Variants in MAP7 observed in about 807,000 individuals in gnomAD.
MAP7 encodes ensconsin.
A neutral mutation model predicts 94.8 loss-of-function variants in MAP7; 52 were observed. The observed-to-expected ratio is 0.55, with a 90% CI of 0.44 to 0.69. The LOEUF (loss-of-function observed/expected upper bound fraction) is 0.69, where lower values mean the gene tolerates loss of function less well. Ranked by LOEUF, MAP7 falls within the 30% of genes least tolerant of loss-of-function variation. The pLI is 0.00. For missense variants in MAP7, 940 were observed against 964.6 expected (o/e 0.97, Z 0.34); for synonymous variants, 350 against 357.0 (o/e 0.98, Z 0.22).
chr6:136,347,971 A>G (rs923037666), intron 16 of MAP7, among the ~76,000 whole-genome samples: 1 of 151,968 alleles, frequency 6.6e-6, no homozygotes, highest in East Asian at 1.9e-4. Flanking sequence ...ACTAGGCATT[A>G]TAAGTCTCCA....
At chr6:136,413,860 A>G (rs1257895560) in intron 2 of MAP7, among the ~76,000 whole-genome samples, 3 of 152,112 alleles carry the variant, frequency 2.0e-5, no homozygotes, top group Non-Finnish European at 4.4e-5. Context: ...GAATTTGTAC[A>G]TTTAAAGAAA....
In MAP7 at chr6:136,377,859, A is replaced by C. The variant is rs1477423617; in HGVS notation, c.647T>G (p.Leu216Arg). Residue 216 changes from leucine (L) to arginine (R), a missense_variant, in exon 7 of 18, where the codon CTG becomes CGG. Coordinates refer to ENST00000354570, the MANE Select transcript of MAP7 (RefSeq NM_003980.6). ...GCTGCTCTCCCATGGGCTGAGCTGC[A>C]GGCGGCGAGCTAAACGTCACCACAT... is the stretch of plus-strand genomic sequence containing the variant. ...LLNSPDRARR[L>R]QLSPWESSVV... 7.4e-6 allele frequency: 12 copies of C among 1,612,528 alleles called. No individual in the cohort carries two copies. The highest frequency in any genetic ancestry group is 9.3e-6 in the Non-Finnish European group (11 of 1,178,844).
intron 1 of MAP7, among the ~76,000 whole-genome samples, chr6:136,440,828 A>G (rs1353954419): frequency 7.2e-6 from 1 of 138,168 alleles, no homozygotes; most frequent in Non-Finnish European, 1.6e-5. Flanking sequence ...TTAAGGTCTT[A>G]AAAAAAAAAA....
chr6:136,420,246 C>T (rs569400715), intron 2 of MAP7: 395 of 990,362 alleles, frequency 4.0e-4, no homozygotes, highest in South Asian at 7.0e-4. Flanking sequence ...CTGACAGGGC[C>T]GCGCCAGGTA....
rs892939190 is a variant in MAP7 at position 136,502,825 on chromosome 6, A to AT, written c.67+47516dup. Among the ~76,000 whole-genome samples, 254 of 150,646 alleles carry AT rather than the reference A, an allele frequency of 1.7e-3. 1 individual carries two copies. Among genetic ancestry groups the AT allele is most frequent in the Middle Eastern group, 3.4e-3 (1 of 290 alleles). Reference sequence around the variant, plus strand: ...TATGAATAGAGTGCACAGAATACTGATTTTTTTTTTCCCAGCAAAGTAACT... The same window carrying AT: ...TATGAATAGAGTGCACAGAATACTGATTTTTTTTTTTCCCAGCAAAGTAACT... On this transcript the variant is annotated intron_variant, in intron 1 of 17. Transcript: ENST00000354570.
rs368976603 is a variant in MAP7, at chr6:136,411,613, G to C, written c.244+7C>G. On this transcript the variant is annotated splice_region_variant and intron_variant, in intron 3 of 17. Transcript: ENST00000354570. ...AATCAGGGCCATGGACACGGGGCCTGGGGTACCTAGCTGTTTCTCCCGTTC... is the reference window on the plus strand; with the variant it reads ...AATCAGGGCCATGGACACGGGGCCTCGGGTACCTAGCTGTTTCTCCCGTTC... 1.3e-6 allele frequency: 2 copies of C among 1,556,824 alleles called. No individual in the cohort carries two copies. The highest frequency in any genetic ancestry group is 1.7e-6 in the Non-Finnish European group (2 of 1,149,350).
At chr6:136,534,743 C>A (rs1355433677) in intron 1 of MAP7, among the ~76,000 whole-genome samples, 1 of 152,152 alleles carries the variant, frequency 6.6e-6, no homozygotes, top group African/African-American at 2.4e-5. Context: ...CTAATGATCA[C>A]CCTTTGAGAA....
At chr6:136,372,758 GGAA>G (rs1774954193) in intron 7 of MAP7, 133 bp from the exon 8 acceptor site, 6 of 1,098,034 alleles carry the variant, frequency 5.5e-6, no homozygotes, top group South Asian at 2.9e-5. Context: ...GAGAAAAGTA[GGAA>G]GAAGATGTTA....
rs373590597 is a variant in MAP7 at position 136,490,074 on chromosome 6, T to C, written c.67+60268A>G. Among the ~76,000 whole-genome samples the C allele has an allele frequency of 4.6e-5, 7 of 152,334 alleles. No individual in the cohort carries two copies. The East Asian group carries it at 5.8e-4, about 13-fold the overall frequency. On this transcript the variant is annotated intron_variant, in intron 1 of 17. Transcript: ENST00000354570. ...TCTATGTCTACATGAAAAGTCACAATGAAATGCTCTAGCCATTAAGCCTTC... is the reference window on the plus strand; with the variant it reads ...TCTATGTCTACATGAAAAGTCACAACGAAATGCTCTAGCCATTAAGCCTTC...
At position 136,458,810 on chromosome 6, in the gene MAP7, A is replaced by C. The variant is rs571039301; in HGVS notation, c.68-37011T>G. Reference sequence around the variant, plus strand: ...CCTAAAAGTGTAAAACTTCTAGAAAAAAAGATAGGGAGAAGGTTCATGACA... The same window carrying C: ...CCTAAAAGTGTAAAACTTCTAGAAACAAAGATAGGGAGAAGGTTCATGACA... On this transcript the variant is annotated intron_variant, in intron 1 of 17. Coordinates refer to ENST00000354570, the MANE Select transcript of MAP7 (RefSeq NM_003980.6). 5.3e-5 allele frequency among the ~76,000 whole-genome samples: 8 copies of C among 152,246 alleles called. 1 individual carries two copies. The highest frequency in any genetic ancestry group is 1.9e-4 in the African/African-American group (8 of 41,544).
chr6:136,492,342 G>A (rs1448472045), intron 1 of MAP7, among the ~76,000 whole-genome samples: 2 of 152,148 alleles, frequency 1.3e-5, no homozygotes, highest in Non-Finnish European at 1.5e-5. Flanking sequence ...TCTTTACAGT[G>A]ACTATTAAGT....
rs993051825 is a variant in MAP7, at chr6:136,415,486, A to G, written c.167-3789T>C. On this transcript the variant is annotated intron_variant, in intron 2 of 17. Transcript: ENST00000354570. The stretch of plus-strand genomic sequence containing the variant: ...TTTAATAACACATGGGACACATGCC[A>G]CTCCTGACAACCCACACCAACCCTG... Among the ~76,000 whole-genome samples, 7 of 152,208 alleles carry G rather than the reference A, an allele frequency of 4.6e-5. No homozygotes were observed. The South Asian group carries it at 1.4e-3, about 32-fold the overall frequency.
chr6:136,360,879 C>A, intron 12 of MAP7, 81 bp from the exon 13 acceptor site: 1 of 1,563,790 alleles, frequency 6.4e-7, no homozygotes, highest in Non-Finnish European at 8.7e-7. Context: ...GAGGTGGGGG[C>A]GAGGTGGCGG....
intron 1 of MAP7, among the ~76,000 whole-genome samples, chr6:136,465,105 C>T (rs1013228764): frequency 2.6e-5 from 4 of 152,118 alleles, no homozygotes; most frequent in Non-Finnish European, 4.4e-5. Context: ...CACACAGCTG[C>T]GAAGTGTGCA....
At chr6:136,411,339 T>C (rs1787384691) in intron 3 of MAP7, among the ~76,000 whole-genome samples, 1 of 152,222 alleles carries the variant, frequency 6.6e-6, no homozygotes, top group South Asian at 2.1e-4. Context: ...TTTACTGTCC[T>C]CGCATTTTCT....
chr6:136,519,989 A>G (rs1272752602), intron 1 of MAP7, among the ~76,000 whole-genome samples: 2 of 152,160 alleles, frequency 1.3e-5, no homozygotes, highest in Non-Finnish European at 2.9e-5. Context: ...ACTTGAGCCC[A>G]GGAGTTGGAG....
intron 15 of MAP7, among the ~76,000 whole-genome samples, chr6:136,359,528 C>T (rs1381099041): frequency 6.6e-6 from 1 of 151,946 alleles, no homozygotes; most frequent in East Asian, 1.9e-4. Flanking sequence ...TATATGTATA[C>T]ACATATATGT....
At chr6:136,376,395 G>A (rs556899658) in intron 7 of MAP7, among the ~76,000 whole-genome samples, 9 of 152,314 alleles carry the variant, frequency 5.9e-5, no homozygotes, top group Admixed American at 1.3e-4. Flanking sequence ...CACCACGCCC[G>A]GCCTGAAAAG....
chr6:136,387,707 T>C (rs1779551862), intron 5 of MAP7, among the ~76,000 whole-genome samples: 1 of 151,350 alleles, frequency 6.6e-6, no homozygotes, highest in Non-Finnish European at 1.5e-5. Flanking sequence ...CAAAACCACC[T>C]GGAGACAGAA....
Sources: gnomAD v4.1 joint callset for allele counts (sites outside exome capture counted in the v4.1 genomes callset) on GRCh38, gnomAD v4.1.1 for gene constraint, MANE v1.5 for transcripts, NCBI Gene and HGNC (gene_info 2026-07-23, HGNC 2026-07-21) for gene names.